XPR1: variants seen among roughly 807,000 people sequenced by gnomAD.
XPR1 encodes solute carrier family 53 member 1.
A neutral mutation model predicts 87.5 loss-of-function variants in XPR1; 28 were observed. That is an observed-to-expected ratio of 0.32 (90% CI 0.24 to 0.44). The LOEUF is 0.44. XPR1 is among the 20% of genes least tolerant of loss of function. The probability of loss-of-function intolerance (pLI) is 1.00; values close to 1 mark genes in which losing one functional copy is unlikely to be tolerated. For synonymous variants in XPR1, 300 were observed against 306.1 expected (o/e 0.98, Z 0.21); for missense variants, 559 against 862.3 (o/e 0.65, Z 4.41).
intron 2 of XPR1, among the ~76,000 whole-genome samples, chr1:180,687,671 T>G (rs17301405): frequency 0.054 from 8,196 of 152,140 alleles, 326 homozygotes; most frequent in Non-Finnish European, 0.079. Flanking sequence ...CACATTCAAA[T>G]TCCTAGTTGT....
intron 2 of XPR1, among the ~76,000 whole-genome samples, chr1:180,705,650 G>T (rs1317821125): frequency 6.6e-6 from 1 of 152,102 alleles, no homozygotes; most frequent in Non-Finnish European, 1.5e-5. Context: ...TCACGTTCCT[G>T]TTTTTTCTGT....
intron 2 of XPR1, among the ~76,000 whole-genome samples, chr1:180,720,771 A>G (rs184699283): frequency 3.9e-5 from 6 of 152,268 alleles, no homozygotes; most frequent in South Asian, 2.1e-4. Flanking sequence ...GAAACCATGG[A>G]TTTAGAATAC....
rs960371751 is a variant in XPR1 at position 180,816,164 on chromosome 1, A to G, written c.763+4676A>G. Among the ~76,000 whole-genome samples, 4 of 152,200 alleles carry G rather than the reference A, an allele frequency of 2.6e-5. No homozygotes were observed. The South Asian group carries it at 6.2e-4, about 24-fold the overall frequency. Reference sequence around the variant, plus strand: ...ACAGGAATCAGTTTTGTGGAAGACAATTTTTTCACTGGGCTGGCGGGTAGG... The same window carrying G: ...ACAGGAATCAGTTTTGTGGAAGACAGTTTTTTCACTGGGCTGGCGGGTAGG... On this transcript the variant is annotated intron_variant, in intron 7 of 14. Transcript: ENST00000367590.
At chr1:180,764,347 T>C (rs1435290787) in intron 2 of XPR1, among the ~76,000 whole-genome samples, 1 of 152,138 alleles carries the variant, frequency 6.6e-6, no homozygotes, top group Non-Finnish European at 1.5e-5. Flanking sequence ...TATATGCAAA[T>C]ATTCCAAAAT....
At chr1:180,646,042 C>G (rs1655108515) in intron 1 of XPR1, among the ~76,000 whole-genome samples, 1 of 152,170 alleles carries the variant, frequency 6.6e-6, no homozygotes, top group Non-Finnish European at 1.5e-5. Flanking sequence ...AAACATGTAA[C>G]ACAAAAACAA....
intron 2 of XPR1, among the ~76,000 whole-genome samples, chr1:180,696,218 A>G (rs61809339): frequency 0.042 from 5,449 of 130,148 alleles, 156 homozygotes; most frequent in Non-Finnish European, 0.063. Context: ...GTATATATAT[A>G]TATATATATA....
chr1:180,835,422 A>C (rs753435702), intron 10 of XPR1, among the ~76,000 whole-genome samples: 8 of 152,180 alleles, frequency 5.3e-5, no homozygotes, highest in Non-Finnish European at 1.0e-4. Context: ...AAATAGATCA[A>C]GTGCTTTGAG....
At position 180,659,193 on chromosome 1, in the gene XPR1, TCTTCCTTCCTTCCTTCCTTCCTTC is replaced by T. The variant is rs550840483; in HGVS notation, c.70-23132_70-23109del. ...ACTAGGGATATTGGCCTGTAGTCAG[TCTTCCTTCCTTCCTTCCTTCCTTC>T]CTTCCTTCCTTCCTTCCTTCCTTCC... On this transcript the variant is annotated intron_variant, in intron 1 of 14. Transcript: ENST00000367590. 2.2e-3 allele frequency among the ~76,000 whole-genome samples: 173 copies of T among 79,862 alleles called. 8 individuals carry two copies. The highest frequency in any genetic ancestry group is 7.5e-3 in the East Asian group (14 of 1,876). 52.4% of individuals were successfully genotyped at this position (79,862 alleles called of 152,430 possible).
intron 1 of XPR1, among the ~76,000 whole-genome samples, chr1:180,654,629 C>T (rs1655395188): frequency 6.6e-6 from 1 of 152,104 alleles, no homozygotes; most frequent in African/African-American, 2.4e-5. Context: ...ATGATTTTGA[C>T]TGCTCTAAGT....
chr1:180,711,136 G>A (rs375365973), intron 2 of XPR1, among the ~76,000 whole-genome samples: 6,186 of 150,490 alleles, frequency 0.041, 382 homozygotes, highest in African/African-American at 0.14. Context: ...CAGACGGGGC[G>A]GCGGGGCAGA....
intron 6 of XPR1, among the ~76,000 whole-genome samples, chr1:180,809,887 C>A (rs1404425907): frequency 6.6e-6 from 1 of 152,098 alleles, no homozygotes; most frequent in Non-Finnish European, 1.5e-5. Context: ...AAATGACCAT[C>A]TTTTGGATGC....
At chr1:180,646,816 A>T in intron 1 of XPR1, among the ~76,000 whole-genome samples, 1 of 152,182 alleles carries the variant, frequency 6.6e-6, no homozygotes, top group East Asian at 1.9e-4. Context: ...ATGGACTGAA[A>T]TAAGTGTTGG....
At chr1:180,777,154 C>T (rs1397516060) in intron 2 of XPR1, among the ~76,000 whole-genome samples, 2 of 152,146 alleles carry the variant, frequency 1.3e-5, no homozygotes, top group Admixed American at 6.5e-5. Context: ...ATCTAGTCTG[C>T]ACTAAAACCT....
Position 180,632,211 on chromosome 1 carries a change from G to A in XPR1, c.10G>A (p.Ala4Thr), listed in dbSNP as rs1328981919. Reference sequence around the variant, plus strand: ...AGGGGGAAACGGCAGGATGAAGTTCGCCGAGCACCTCTCCGCGCACATCAC... The same window carrying A: ...AGGGGGAAACGGCAGGATGAAGTTCACCGAGCACCTCTCCGCGCACATCAC... MKF[A>T]EHLSAHITPE... The change falls in exon 1 of 15, where the codon GCC becomes ACC. Residue 4 changes from alanine (A) to threonine (T), a missense_variant. Coordinates refer to ENST00000367590, the MANE Select transcript of XPR1 (RefSeq NM_004736.4). 1 of 1,609,776 alleles carries A rather than the reference G, an allele frequency of 6.2e-7. No individual in the cohort carries two copies.
chr1:180,818,249 C>T (rs1408589004), intron 7 of XPR1, among the ~76,000 whole-genome samples: 1 of 151,112 alleles, frequency 6.6e-6, no homozygotes, highest in Non-Finnish European at 1.5e-5. Context: ...TTTAATGTTC[C>T]TTTAAAGAAA....
At chr1:180,880,717 T>A (rs933631936) in intron 14 of XPR1, among the ~76,000 whole-genome samples, 12 of 152,230 alleles carry the variant, frequency 7.9e-5, no homozygotes, top group Admixed American at 5.2e-4. Flanking sequence ...TGGTTCTTGC[T>A]TATAGGGAGG....
At chr1:180,830,324 A>AGCC (rs1651011467) in intron 9 of XPR1, among the ~76,000 whole-genome samples, 2 of 152,262 alleles carry the variant, frequency 1.3e-5, no homozygotes, top group East Asian at 3.9e-4. Context: ...GAGAGTGGTT[A>AGCC]AGAGACTGAG....
chr1:180,817,327 G>C (rs1650446416), intron 7 of XPR1, among the ~76,000 whole-genome samples: 1 of 152,046 alleles, frequency 6.6e-6, no homozygotes, highest in Admixed American at 6.6e-5. Flanking sequence ...ATTCAGTGTA[G>C]CCTAAGTGTA....
chr1:180,668,159 T>C (rs111459644), intron 1 of XPR1, among the ~76,000 whole-genome samples: 5,124 of 146,384 alleles, frequency 0.035, 370 homozygotes, highest in African/African-American at 0.13. Context: ...GACAGAGTCT[T>C]GCTCTGTTGC....
Sources: gnomAD v4.1 joint callset for allele counts (sites outside exome capture counted in the v4.1 genomes callset) on GRCh38, gnomAD v4.1.1 for gene constraint, MANE v1.5 for transcripts, NCBI Gene and HGNC (gene_info 2026-07-23, HGNC 2026-07-21) for gene names.